Variants in PDE11A observed in about 807,000 individuals in gnomAD.
PDE11A encodes the protein dual 3',5'-cyclic-AMP and -GMP phosphodiesterase 11A.
Under a neutral mutation model 100.5 loss-of-function variants are expected in PDE11A, and 100 were observed. That is an observed-to-expected ratio of 1.00 (90% confidence interval 0.85 to 1.18). The LOEUF is 1.18. Ranked by LOEUF, PDE11A falls within the 50% of genes most tolerant of loss-of-function variation. The probability of loss-of-function intolerance (pLI) is 0.00; values close to 1 mark genes in which losing one functional copy is unlikely to be tolerated. For missense variants in PDE11A, 1,141 were observed against 1,152.6 expected, an observed-to-expected ratio of 0.99 and a Z score of 0.15; for synonymous variants, 381 against 420.8, an observed-to-expected ratio of 0.91 and a Z score of 1.16.
chr2:177,832,626 T>C (rs1436121153), intron 6 of PDE11A, among the ~76,000 whole-genome samples: 3 of 152,050 alleles, frequency 2.0e-5, no homozygotes, highest in African/African-American at 4.8e-5. Context: ...TCCTTCTAGG[T>C]GACTAATAGA....
chr2:178,030,270 G>A lies in PDE11A; in HGVS notation c.913-15810C>T, dbSNP rs75957003. 9.5e-3 allele frequency among the ~76,000 whole-genome samples: 1,443 copies of A among 152,128 alleles called. 27 individuals are homozygous for A. Among genetic ancestry groups the A allele is most frequent in the East Asian group, 0.056 (290 of 5,186 alleles). On this transcript the variant is annotated intron_variant, in intron 1 of 19. Coordinates refer to ENST00000286063, the MANE Select transcript of PDE11A (RefSeq NM_016953.4). The stretch of plus-strand genomic sequence containing the variant: ...ATATAATGGTGTTATGAACAACTTT[G>A]TGCCAATAAATTTGAAAAGTTAGAT...
At chr2:177,718,433 T>C (rs1333950530) in intron 12 of PDE11A, among the ~76,000 whole-genome samples, 1 of 152,224 alleles carries the variant, frequency 6.6e-6, no homozygotes, top group Non-Finnish European at 1.5e-5. Flanking sequence ...AATAGGGCTG[T>C]AAAGAATCCC....
chr2:177,796,625 G>A (rs140412977), intron 9 of PDE11A, among the ~76,000 whole-genome samples: 4 of 152,272 alleles, frequency 2.6e-5, no homozygotes, highest in Non-Finnish European at 5.9e-5. Flanking sequence ...GGTGTGATCT[G>A]CCACCTTTTG....
chr2:177,787,926 C>A (rs941406990), intron 9 of PDE11A, among the ~76,000 whole-genome samples: 1 of 152,134 alleles, frequency 6.6e-6, no homozygotes, highest in African/African-American at 2.4e-5. Flanking sequence ...TAGACTTCCA[C>A]ACAATAATAA....
intron 16 of PDE11A, among the ~76,000 whole-genome samples, chr2:177,676,792 C>A (rs963812676): frequency 2.6e-5 from 4 of 152,242 alleles, no homozygotes; most frequent in Admixed American, 6.5e-5. Flanking sequence ...GCTTTACTAA[C>A]CAACTGCTAA....
At chr2:177,895,351 G>A (rs1468427907) in intron 4 of PDE11A, among the ~76,000 whole-genome samples, 9 of 152,024 alleles carry the variant, frequency 5.9e-5, no homozygotes, top group Non-Finnish European at 7.4e-5. Flanking sequence ...TCAGGAGTTC[G>A]AGACCAGCCT....
intron 9 of PDE11A, among the ~76,000 whole-genome samples, chr2:177,795,922 T>C (rs1159543144): frequency 1.5e-5 from 2 of 131,856 alleles, no homozygotes; most frequent in African/African-American, 5.4e-5. Flanking sequence ...TTATTACTAT[T>C]ATTTTGTTTA....
upstream of PDE11A, among the ~76,000 whole-genome samples, chr2:178,077,014 A>T (rs2087215737): frequency 6.6e-6 from 1 of 152,042 alleles, no homozygotes; most frequent in Non-Finnish European, 1.5e-5. Context: ...ACAATATGGC[A>T]TCTGGGTTTC....
intron 3 of PDE11A, among the ~76,000 whole-genome samples, chr2:177,903,806 G>A (rs959023935): frequency 6.6e-5 from 10 of 152,218 alleles, no homozygotes; most frequent in Non-Finnish European, 1.5e-5. Flanking sequence ...GGCCGAGGGA[G>A]GAATACGGCT....
At chr2:178,023,263 A>G (rs962163739) in intron 1 of PDE11A, among the ~76,000 whole-genome samples, 4 of 152,168 alleles carry the variant, frequency 2.6e-5, no homozygotes, top group Admixed American at 2.0e-4. Flanking sequence ...CTCAGCTTTC[A>G]TGTCTTTGAG....
intron 6 of PDE11A, among the ~76,000 whole-genome samples, chr2:177,838,198 C>T (rs532625093): frequency 5.5e-4 from 84 of 152,212 alleles, no homozygotes; most frequent in African/African-American, 1.9e-3. Flanking sequence ...CTGTTTTTGT[C>T]TTCCAGCCAT....
At chr2:178,045,740 A>G (rs1371785420) in intron 1 of PDE11A, among the ~76,000 whole-genome samples, 1 of 152,240 alleles carries the variant, frequency 6.6e-6, no homozygotes, top group Non-Finnish European at 1.5e-5. Flanking sequence ...TCTTGTTCCA[A>G]ACTCTCCAAA....
At chr2:177,816,725 G>T (rs1281089414) in intron 9 of PDE11A, 104 bp downstream of exon 9, 4 of 770,950 alleles carry the variant, frequency 5.2e-6, no homozygotes, top group Non-Finnish European at 9.5e-6. Flanking sequence ...AAGGCCCAAT[G>T]AATAATTAAA....
chr2:177,785,971 C>G (rs2082531173), intron 9 of PDE11A, among the ~76,000 whole-genome samples: 1 of 152,190 alleles, frequency 6.6e-6, no homozygotes, highest in Non-Finnish European at 1.5e-5. Context: ...CACAGACAAA[C>G]AAAAAGATAG....
chr2:177,956,638 T>C (rs1191996837), intron 2 of PDE11A, among the ~76,000 whole-genome samples: 2 of 152,146 alleles, frequency 1.3e-5, no homozygotes, highest in Non-Finnish European at 2.9e-5. Context: ...CTATTCACAA[T>C]AGCAAAGACT....
intron 2 of PDE11A, among the ~76,000 whole-genome samples, chr2:178,008,531 C>A (rs2086238992): frequency 6.6e-6 from 1 of 152,174 alleles, no homozygotes; most frequent in Admixed American, 6.6e-5. Context: ...AGTCAATATT[C>A]CCCTCCTCAC....
intron 2 of PDE11A, among the ~76,000 whole-genome samples, chr2:177,941,164 C>T (rs963472646): frequency 5.3e-5 from 8 of 152,182 alleles, no homozygotes; most frequent in Non-Finnish European, 1.2e-4. Flanking sequence ...TTAATCCTCA[C>T]GGCAATCTTC....
intron 9 of PDE11A, among the ~76,000 whole-genome samples, chr2:177,815,429 T>C (rs2083021909): frequency 6.6e-6 from 1 of 152,204 alleles, no homozygotes; most frequent in Non-Finnish European, 1.5e-5. Flanking sequence ...TATAGTTCAC[T>C]CATTTATTGA....
intron 13 of PDE11A, among the ~76,000 whole-genome samples, chr2:177,708,395 C>T (rs1028140427): frequency 5.9e-5 from 9 of 152,278 alleles, no homozygotes; most frequent in Admixed American, 1.3e-4. Context: ...GAAAACCAAA[C>T]GCTACATGTT....
Sources: allele counts gnomAD v4.1 joint callset (sites outside exome capture counted in the v4.1 genomes callset), GRCh38; gene constraint gnomAD v4.1.1; transcripts MANE v1.5; gene names NCBI Gene and HGNC (gene_info 2026-07-23, HGNC 2026-07-21).